PHF24: variants seen among roughly 807,000 people sequenced by gnomAD.
The protein encoded by PHF24 is PHD finger protein 24.
PHF24 carries 25 observed loss-of-function variants against 42.6 expected under a neutral mutation model. That is an observed-to-expected ratio of 0.59 (90% CI 0.43 to 0.82). The LOEUF (loss-of-function observed/expected upper bound fraction) is 0.82, where lower values mean the gene tolerates loss of function less well. PHF24 is among the 40% of genes least tolerant of loss of function. The pLI is 0.00. For missense variants in PHF24, 470 were observed against 538.1 expected, an observed-to-expected ratio of 0.87 and a Z score of 1.25; for synonymous variants, 185 against 204.8, an observed-to-expected ratio of 0.90 and a Z score of 0.83.
At chr9:34,760,546 G>GAGT in the PHF24 span, among the ~76,000 whole-genome samples, 1 of 152,364 alleles carries the variant, frequency 6.6e-6, no homozygotes, top group African/African-American at 2.4e-5. Context: ...GGAAGCCCCA[G>GAGT]AGTAGTGTCA....
chr9:34,727,102 C>T, the PHF24 span: 1 of 1,445,576 alleles, frequency 6.9e-7, no homozygotes, highest in African/African-American at 1.4e-5. Context: ...GGGGCCTATA[C>T]CATCTTGTTG....
chr9:34,689,479 G>C, the PHF24 span: 106 of 292,986 alleles, frequency 3.6e-4, no homozygotes, highest in African/African-American at 2.2e-3. This position sits in a 1 kb window ranked among gnomAD's most constrained non-coding sequence, Gnocchi z 4.1. Flanking sequence ...ACAGATCTAT[G>C]GGTGCCAGGT....
At chr9:34,957,784 C>T (rs1826412792), upstream of PHF24, 1 of 152,256 alleles carries the variant, frequency 6.6e-6, no homozygotes, top group Non-Finnish European at 1.5e-5. Context: ...TTCTCCCCAC[C>T]CCGGGCACGT....
the PHF24 span, among the ~76,000 whole-genome samples, chr9:34,784,000 T>C: frequency 6.6e-6 from 1 of 152,176 alleles, no homozygotes; most frequent in Non-Finnish European, 1.5e-5. Flanking sequence ...TTTGAGATAG[T>C]TTTTAAACAC....
At chr9:34,897,462 A>G in the PHF24 span, among the ~76,000 whole-genome samples, 1 of 152,226 alleles carries the variant, frequency 6.6e-6, no homozygotes, top group Non-Finnish European at 1.5e-5. Context: ...GATGAATACA[A>G]CCATCTTATT....
chr9:34,890,205 C>T, the PHF24 span, among the ~76,000 whole-genome samples: 1 of 152,314 alleles, frequency 6.6e-6, no homozygotes, highest in Non-Finnish European at 1.5e-5. Flanking sequence ...TGCCCCTACT[C>T]GCCCCTGAAC....
chr9:34,691,214 G>A, the PHF24 span: 2 of 1,349,620 alleles, frequency 1.5e-6, no homozygotes, highest in Non-Finnish European at 2.1e-6. Flanking sequence ...ATCTGTGTGA[G>A]GCTGCAGGGC....
At chr9:34,751,115 A>T in the PHF24 span, among the ~76,000 whole-genome samples, 7 of 152,368 alleles carry the variant, frequency 4.6e-5, no homozygotes, top group South Asian at 1.4e-3. Context: ...CTGTAATCCC[A>T]GCACTTTGGG....
the PHF24 span, among the ~76,000 whole-genome samples, chr9:34,916,878 A>T: frequency 6.6e-6 from 1 of 152,248 alleles, no homozygotes. Flanking sequence ...AGAGAAATAC[A>T]TACTTGCCAT....
the PHF24 span, among the ~76,000 whole-genome samples, chr9:34,800,589 C>T: frequency 3.9e-5 from 6 of 152,172 alleles, no homozygotes; most frequent in Non-Finnish European, 7.4e-5. Context: ...ATTTAATAAA[C>T]GGTGCCGGGA....
At chr9:34,845,943 G>A in the PHF24 span, among the ~76,000 whole-genome samples, 2 of 152,180 alleles carry the variant, frequency 1.3e-5, no homozygotes, top group Middle Eastern at 6.8e-3. Context: ...CGTTTTTTAT[G>A]GGTGCATAGT....
At chr9:34,917,918 T>C in the PHF24 span, 4 of 1,589,522 alleles carry the variant, frequency 2.5e-6, no homozygotes, top group Non-Finnish European at 3.5e-6. Context: ...GGAACTGGAA[T>C]GGTGCAGGCT....
At chr9:34,716,565 C>CTTTTGTTTTGTTTTGT in the PHF24 span, among the ~76,000 whole-genome samples, 3 of 148,326 alleles carry the variant, frequency 2.0e-5, no homozygotes, top group East Asian at 6.0e-4. Context: ...TTTTGTTTTG[C>CTTTTGTTTTGTTTTGT]TTTGTTTTGT....
At chr9:34,761,280 A>G in the PHF24 span, among the ~76,000 whole-genome samples, 1 of 151,230 alleles carries the variant, frequency 6.6e-6, no homozygotes, top group African/African-American at 2.4e-5. Flanking sequence ...ATCGGCATGA[A>G]TTTTACTATT....
chr9:34,802,503 T>G, the PHF24 span, among the ~76,000 whole-genome samples: 1 of 152,248 alleles, frequency 6.6e-6, no homozygotes, highest in African/African-American at 2.4e-5. Context: ...ATTATGTTTC[T>G]GTTAATACTC....
the PHF24 span, among the ~76,000 whole-genome samples, chr9:34,840,662 A>T: frequency 6.6e-6 from 1 of 151,652 alleles, no homozygotes; most frequent in Non-Finnish European, 1.5e-5. Context: ...CCCAAGTCCC[A>T]CCTGAGCCCC....
At chr9:34,667,479 C>A in the PHF24 span, among the ~76,000 whole-genome samples, 1 of 152,216 alleles carries the variant, frequency 6.6e-6, no homozygotes, top group Non-Finnish European at 1.5e-5. Context: ...CATTCACACT[C>A]ATGTTGACAC....
the PHF24 span, among the ~76,000 whole-genome samples, chr9:34,868,980 C>T: frequency 6.6e-6 from 1 of 152,166 alleles, no homozygotes; most frequent in Non-Finnish European, 1.5e-5. Flanking sequence ...GTTCAGCTCC[C>T]ACTTATAAGT....
the PHF24 span, chr9:34,917,895 A>C: frequency 1.3e-6 from 2 of 1,588,076 alleles, no homozygotes; most frequent in Non-Finnish European, 1.7e-6. Context: ...CTTTGATCCT[A>C]AGCCCATTCC....
Sources: gnomAD v4.1 joint callset for allele counts (sites outside exome capture counted in the v4.1 genomes callset) on GRCh38, gnomAD v4.1.1 for gene constraint, Gnocchi (gnomAD v3.1) non-coding constraint, MANE v1.5 for transcripts, NCBI Gene and HGNC (gene_info 2026-07-23, HGNC 2026-07-21) for gene names.